Variants in RORA observed in about 807,000 individuals in gnomAD.
RORA encodes RAR related orphan receptor A, also known as nuclear receptor ROR-alpha.
Under a neutral mutation model 69.5 loss-of-function variants are expected in RORA, and 7 were observed. The ratio of observed to expected loss-of-function variants is 0.10; its 90% CI spans 0.06 to 0.19. The LOEUF (loss-of-function observed/expected upper bound fraction) is 0.19. Ranked by LOEUF, RORA falls within the 10% of genes least tolerant of loss-of-function variation. The pLI is 1.00. For synonymous variants in RORA, 261 were observed against 240.8 expected (o/e 1.08, Z -0.78); for missense variants, 457 against 663.0 (o/e 0.69, Z 3.41).
intron 1 of RORA, among the ~76,000 whole-genome samples, chr15:61,216,482 G>C (rs1220447789): frequency 9.8e-6 from 1 of 102,134 alleles, no homozygotes; most frequent in African/African-American, 3.7e-5. Context: ...TTGCAGACAA[G>C]CTTCTCCGAT....
chr15:60,750,277 C>T (rs2071705089), intron 1 of RORA, among the ~76,000 whole-genome samples: 1 of 152,188 alleles, frequency 6.6e-6, no homozygotes, highest in Non-Finnish European at 1.5e-5. Flanking sequence ...TGAGAAAGGA[C>T]TCACTCTCCA....
At position 60,823,335 on chromosome 15, in the gene RORA, G is replaced by A. The variant is rs193241176; in HGVS notation, c.167-144649C>T. Among the ~76,000 whole-genome samples, 14 of 152,286 alleles carry A rather than the reference G, an allele frequency of 9.2e-5. No homozygotes were observed. In the East Asian group the frequency reaches 2.5e-3, roughly 27 times the overall value. On this transcript the variant is annotated intron_variant, in intron 1 of 10. Transcript: ENST00000335670. ...CACCTGAAGTGCTAGGAGTACAGGTGTAAGCCACCACAGGCTTTCCCTGTT... is the reference window on the plus strand; with the variant it reads ...CACCTGAAGTGCTAGGAGTACAGGTATAAGCCACCACAGGCTTTCCCTGTT...
chr15:61,223,947 T>C (rs2080122150), intron 1 of RORA, among the ~76,000 whole-genome samples: 1 of 150,154 alleles, frequency 6.7e-6, no homozygotes, highest in Non-Finnish European at 1.5e-5. Context: ...CCTAAAAAGA[T>C]GGGTGAAAAA....
intron 1 of RORA, among the ~76,000 whole-genome samples, chr15:60,681,371 C>T (rs1189722852): frequency 6.6e-6 from 1 of 152,112 alleles, no homozygotes; most frequent in African/African-American, 2.4e-5. Context: ...TGGAGCATAC[C>T]ACTCAGCAGT....
At chr15:60,942,177 T>C (rs763498959) in intron 1 of RORA, among the ~76,000 whole-genome samples, 1 of 152,168 alleles carries the variant, frequency 6.6e-6, no homozygotes, top group Non-Finnish European at 1.5e-5. Flanking sequence ...TAACTATCTA[T>C]GGAGCCCTTA....
At chr15:60,503,784 G>T in intron 6 of RORA, 117 bp from the exon 7 acceptor site, 1 of 1,181,902 alleles carries the variant, frequency 8.5e-7, no homozygotes, top group Non-Finnish European at 1.2e-6. Flanking sequence ...CACGAAGAGT[G>T]GCAAAGTGGG....
At chr15:61,111,168 T>C (rs1183977117) in intron 1 of RORA, among the ~76,000 whole-genome samples, 1 of 152,238 alleles carries the variant, frequency 6.6e-6, no homozygotes, top group East Asian at 1.9e-4. Flanking sequence ...TTTTCTCTTT[T>C]TAAGGTGAAG....
intron 1 of RORA, among the ~76,000 whole-genome samples, chr15:60,904,899 C>T (rs1432857832): frequency 1.3e-5 from 2 of 152,034 alleles, no homozygotes; most frequent in Non-Finnish European, 2.9e-5. Context: ...ATTGATACAG[C>T]TCAGAATAGC....
intron 1 of RORA, among the ~76,000 whole-genome samples, chr15:60,719,919 C>A (rs977323651): frequency 6.6e-6 from 1 of 152,108 alleles, no homozygotes; most frequent in African/African-American, 2.4e-5. Context: ...TCTAAATATA[C>A]GGGGCGTAGC....
rs777000968 is a variant in RORA, at chr15:61,229,204, C to A, written c.15G>T (p.Pro5=). 1.3e-6 allele frequency: 2 copies of A among 1,504,604 alleles called. No individual in the cohort carries two copies. Among genetic ancestry groups the A allele is most frequent in the East Asian group, 2.6e-5 (1 of 38,258 alleles). 93.2% of individuals were successfully genotyped at this position (1,504,604 alleles called of 1,614,324 possible). A position where few individuals can be genotyped will look rare whatever the true frequency, so the allele number is the denominator to read the frequency against. ...CGCTGGCGGCGGGGTCGGGGGCTGC[C>A]GGAGCTGACTCCATGTTTTTTCCCA... MESA[P]AAPDPAASEP... The change falls in exon 1 of 11, where the codon CCG becomes CCT. Residue 5 remains proline, a synonymous_variant. Transcript: ENST00000335670.
chr15:60,792,443 T>C (rs341438), intron 1 of RORA, among the ~76,000 whole-genome samples: 148 of 152,276 alleles, frequency 9.7e-4, no homozygotes, highest in African/African-American at 3.5e-3. Flanking sequence ...CATCAACTTA[T>C]AGATTCAAGA....
intron 2 of RORA, among the ~76,000 whole-genome samples, chr15:60,652,395 G>C (rs528643070): frequency 6.6e-6 from 1 of 152,154 alleles, no homozygotes; most frequent in Non-Finnish European, 1.5e-5. Flanking sequence ...AGATTGGCTC[G>C]AAAATAGAAT....
chr15:60,493,994 C>T lies in RORA; in HGVS notation c.*3461G>A. ...ACACACACACACACACACACTCCTT[C>T]CTCACCTGACCCTCAGCCCACCCCC... is the stretch of plus-strand genomic sequence containing the variant. On this transcript the variant is annotated 3_prime_UTR_variant, in exon 11 of 11. Transcript: ENST00000335670. The T allele has an allele frequency of 6.6e-6, 1 of 151,614 alleles. No individual in the cohort carries two copies. The highest frequency in any genetic ancestry group is 1.5e-5 in the Non-Finnish European group (1 of 68,348). 9.4% of individuals were successfully genotyped at this position (151,614 alleles called of 1,614,324 possible). A position where few individuals can be genotyped will look rare whatever the true frequency, so the allele number is the denominator to read the frequency against.
In RORA at chr15:60,844,971, T is replaced by C. The variant is rs140786947; in HGVS notation, c.167-166285A>G. On this transcript the variant is annotated intron_variant, in intron 1 of 10. Coordinates refer to ENST00000335670, the MANE Select transcript of RORA (RefSeq NM_134261.3). Reference sequence around the variant, plus strand: ...AAATATCCCTGGTAGGCATCAGTTGTATAAGTGAAGGAAACCAAACCCACC... The same window carrying C: ...AAATATCCCTGGTAGGCATCAGTTGCATAAGTGAAGGAAACCAAACCCACC... Among the ~76,000 whole-genome samples, 208 of 152,298 alleles carry C rather than the reference T, an allele frequency of 1.4e-3. 1 individual carries two copies. The highest frequency in any genetic ancestry group is 4.9e-3 in the African/African-American group (204 of 41,564).
intron 1 of RORA, among the ~76,000 whole-genome samples, chr15:60,800,685 T>C (rs2072567004): frequency 6.6e-6 from 1 of 152,098 alleles, no homozygotes; most frequent in East Asian, 1.9e-4. Context: ...GTAACTATTA[T>C]AGCACCTCCT....
chr15:61,045,258 C>G (rs1362123065), intron 1 of RORA, among the ~76,000 whole-genome samples: 2 of 152,094 alleles, frequency 1.3e-5, no homozygotes, highest in Non-Finnish European at 2.9e-5. Flanking sequence ...GGGGAGTTCC[C>G]CTGCATATGC....
chr15:60,828,912 T>C (rs558901021), intron 1 of RORA, among the ~76,000 whole-genome samples: 1 of 152,350 alleles, frequency 6.6e-6, no homozygotes, highest in Non-Finnish European at 1.5e-5. Flanking sequence ...ACTTTCATCT[T>C]GCAATATCCA....
At chr15:60,505,752 T>C in intron 5 of RORA, 123 bp from the exon 6 acceptor site, 1 of 1,104,118 alleles carries the variant, frequency 9.1e-7, no homozygotes, top group Non-Finnish European at 1.3e-6. Context: ...TTGACTGTCT[T>C]TACACATTTA....
chr15:61,136,160 C>T (rs1401303343), intron 1 of RORA, among the ~76,000 whole-genome samples: 1 of 152,168 alleles, frequency 6.6e-6, no homozygotes, highest in Admixed American at 6.5e-5. Context: ...CATAGAAGCA[C>T]AGAAGCTGGC....
Sources: allele counts gnomAD v4.1 joint callset (sites outside exome capture counted in the v4.1 genomes callset), GRCh38; gene constraint gnomAD v4.1.1; transcripts MANE v1.5; gene names NCBI Gene and HGNC (gene_info 2026-07-23, HGNC 2026-07-21).